The following AP3B2 variants were observed in gnomAD, a reference collection of about 807,000 sequenced individuals.
AP3B2 encodes adaptor related protein complex 3 subunit beta 2.
A neutral mutation model predicts 126.9 loss-of-function variants in AP3B2; 50 were observed. The observed-to-expected ratio is 0.39, with a 90% CI of 0.31 to 0.50. AP3B2 has a LOEUF of 0.50. Ranked by LOEUF, AP3B2 falls within the 20% of genes least tolerant of loss-of-function variation. The pLI is 0.79. For missense variants in AP3B2, 1,177 were observed against 1,426.4 expected (o/e 0.83, Z 2.82); for synonymous variants, 541 against 565.0 (o/e 0.96, Z 0.60).
intron 1 of AP3B2, 98 bp from the exon 2 acceptor site, chr15:82,689,551 G>A (rs2048488639): frequency 2.6e-6 from 3 of 1,165,902 alleles, no homozygotes; most frequent in Non-Finnish European, 1.2e-6. Context: ...GGCCAGGGGA[G>A]GCTCAGGCAG....
Position 82,661,930 on chromosome 15 carries a change from G to T in AP3B2, c.2919-8C>A. 6.2e-7 allele frequency: 1 copy of T among 1,611,932 alleles called. No homozygotes were observed. The highest frequency in any genetic ancestry group is 1.1e-5 in the South Asian group (1 of 90,880). On this transcript the variant is annotated splice_region_variant and splice_polypyrimidine_tract_variant and intron_variant, in intron 24 of 26. Coordinates refer to ENST00000535359, the MANE Select transcript of AP3B2 (RefSeq NM_001278512.2). ...AACTGTCGGGTCTGGGTGCTGGGAG[G>T]GGTGGGAGGAAACGGAGAAGAATTA...
At chr15:82,703,404 C>A (rs2048750950) in intron 1 of AP3B2, among the ~76,000 whole-genome samples, 1 of 126,764 alleles carries the variant, frequency 7.9e-6, no homozygotes, top group African/African-American at 2.8e-5. Flanking sequence ...CACCCCTTCT[C>A]TCCGTGTCTC....
chr15:82,667,407 C>T (rs2048078166), intron 14 of AP3B2, among the ~76,000 whole-genome samples: 3 of 152,248 alleles, frequency 2.0e-5, no homozygotes, highest in East Asian at 1.9e-4. Context: ...GGGCCACCCT[C>T]ATGCCCTATC....
Position 82,666,852 on chromosome 15 carries a change from G to A in AP3B2, c.1747C>T (p.Arg583Trp), listed in dbSNP as rs761472269. Reference sequence around the variant, plus strand: ...TGCTCGGAAGGGACGATGAGCTGCCGGGTGAAGCGCGCCCGGTCGCGAATA... The same window carrying A: ...TGCTCGGAAGGGACGATGAGCTGCCAGGTGAAGCGCGCCCGGTCGCGAATA... ...YDIRDRARFT[R>W]QLIVPSEQGG... Residue 583 changes from arginine to tryptophan, a missense_variant, in exon 15 of 27, where the codon CGG (arginine) becomes TGG (tryptophan). Transcript: ENST00000535359. 3.1e-6 allele frequency: 5 copies of A among 1,614,004 alleles called. No individual in the cohort carries two copies. Among genetic ancestry groups the A allele is most frequent in the South Asian group, 1.1e-5 (1 of 91,084 alleles).
chr15:82,664,430 G>T lies in AP3B2; in HGVS notation c.2198C>A (p.Ser733Tyr). Residue 733 changes from serine to tyrosine, a missense_variant, in exon 19 of 27, where the codon TCC becomes TAC. Around this residue, in one of 5 missense-constraint regions of AP3B2, gnomAD observed 587 missense variants for 571.3 expected, o/e 1.03. Transcript: ENST00000535359. This position sits in a 1 kb window ranked among gnomAD's most constrained non-coding sequence, Gnocchi z 4.5. ...GTCTTCATTGTCGGACTCACTGCTG[G>T]ACTCCCCAGAGCCGCTCTCACTGCT... ...KSSSESGSGESSSESDNEDQD... is the reference protein window; with the variant it reads ...KSSSESGSGEYSSESDNEDQD... 6.2e-7 allele frequency: 1 copy of T among 1,613,864 alleles called. No individual in the cohort carries two copies. Among genetic ancestry groups the T allele is most frequent in the Non-Finnish European group, 8.5e-7 (1 of 1,179,850 alleles).
rs2047981256 is a variant in AP3B2, at chr15:82,663,003, G to A, written c.2605-81C>T. ...CAGCATTGTCCCCTAGGGCCATCCA[G>A]CAGCTGGGACTCAAAGCTATCACAT... On this transcript the variant is annotated intron_variant, in intron 22 of 26. Coordinates refer to ENST00000535359, the MANE Select transcript of AP3B2 (RefSeq NM_001278512.2). 33 of 1,523,022 alleles carry A rather than the reference G, an allele frequency of 2.2e-5. No individual in the cohort carries two copies. The South Asian group carries it at 3.7e-4, about 17-fold the overall frequency. 94.3% of individuals were successfully genotyped at this position (1,523,022 alleles called of 1,614,324 possible). A position where few individuals can be genotyped will look rare whatever the true frequency, so the allele number is the denominator to read the frequency against.
chr15:82,689,358 C>G lies in AP3B2; in HGVS notation c.189+20G>C. ...CACCCAGGCCCCGCCCGGAGGGAGG[C>G]CTCCTCCTTCCCCTCTTACCGCCAC... is the stretch of plus-strand genomic sequence containing the variant. On this transcript the variant is annotated intron_variant, in intron 2 of 26. Coordinates refer to ENST00000535359, the MANE Select transcript of AP3B2 (RefSeq NM_001278512.2). The G allele has an allele frequency of 6.2e-7, 1 of 1,613,386 alleles. No homozygotes were observed. The highest frequency in any genetic ancestry group is 8.5e-7 in the Non-Finnish European group (1 of 1,179,556).
At chr15:82,668,163 T>C (rs543243948) in intron 14 of AP3B2, among the ~76,000 whole-genome samples, 1 of 152,312 alleles carries the variant, frequency 6.6e-6, no homozygotes, top group African/African-American at 2.4e-5. Flanking sequence ...TTTGGCAGAA[T>C]TGCCCCACAC....
At position 82,663,107 on chromosome 15, in the gene AP3B2, C is replaced by G. The variant is rs746967720; in HGVS notation, c.2604+20G>C. On this transcript the variant is annotated intron_variant, in intron 22 of 26. Transcript: ENST00000535359. ...GATGTGTCCCTGCCCCAGCCCGGTCCCCTCCTCCATCCCACTCACCGACGG... is the reference window on the plus strand; with the variant it reads ...GATGTGTCCCTGCCCCAGCCCGGTCGCCTCCTCCATCCCACTCACCGACGG... The G allele has an allele frequency of 3.8e-6, 6 of 1,593,526 alleles. No individual in the cohort carries two copies. In the Admixed American group the frequency reaches 8.6e-5, roughly 23 times the overall value.
intron 10 of AP3B2, 70 bp from the exon 11 acceptor site, chr15:82,678,237 A>AT: frequency 7.1e-7 from 1 of 1,404,980 alleles, no homozygotes; most frequent in Non-Finnish European, 1.0e-6. Flanking sequence ...TTCATTCCAA[A>AT]TACACTTCAT....
At chr15:82,676,685 G>A in intron 13 of AP3B2, 48 bp from the exon 14 acceptor site, 1 of 1,594,782 alleles carries the variant, frequency 6.3e-7, no homozygotes, top group Non-Finnish European at 8.6e-7. Context: ...GGGAAAGTGG[G>A]TGGGTAGGAT....
rs200226421 is a variant in AP3B2 at position 82,709,614 on chromosome 15, G to A, written c.93C>T (p.Ile31=). ...CTCACCGCTTGTAGTCGGAGGAGAAGATGCCGCCGCTCGCGGGGTCGTGGC... is the reference window on the plus strand; with the variant it reads ...CTCACCGCTTGTAGTCGGAGGAGAAAATGCCGCCGCTCGCGGGGTCGTGGC... ...EYGHDPASGG[I]FSSDYKRHDD... Residue 31 remains isoleucine, a synonymous_variant, in exon 1 of 27, where the codon ATC becomes ATT. Transcript: ENST00000535359. The A allele has an allele frequency of 0.013, 19,986 of 1,513,306 alleles. 201 individuals are homozygous for A. The highest frequency in any genetic ancestry group is 0.015 in the Non-Finnish European group (17,127 of 1,132,462). 93.7% of individuals were successfully genotyped at this position (1,513,306 alleles called of 1,614,324 possible). A position where few individuals can be genotyped will look rare whatever the true frequency, so the allele number is the denominator to read the frequency against.
At chr15:82,666,669 C>T (rs117547358) in intron 15 of AP3B2, 78 bp downstream of exon 15, 36,550 of 1,495,246 alleles carry the variant, frequency 0.024, 490 homozygotes, top group Non-Finnish European at 0.028. Context: ...CTAGGGGCCT[C>T]AGGAAGGTCT....
At chr15:82,697,945 A>C (rs2048655415) in intron 1 of AP3B2, 1 of 152,484 alleles carries the variant, frequency 6.6e-6, no homozygotes, top group African/African-American at 2.4e-5. Flanking sequence ...GGTACAGACC[A>C]TTGAGCTGGG....
chr15:82,692,071 G>A, intron 1 of AP3B2: 3 of 1,491,996 alleles, frequency 2.0e-6, no homozygotes, highest in Non-Finnish European at 2.8e-6. Flanking sequence ...TCTTCTTGCA[G>A]AAGGCCCATT....
In AP3B2 at chr15:82,664,608, C is replaced by T. The variant is rs568933633; in HGVS notation, c.2138-118G>A. 20 of 1,356,858 alleles carry T rather than the reference C, an allele frequency of 1.5e-5. 1 individual carries two copies. The highest frequency in any genetic ancestry group is 1.2e-4 in the African/African-American group (8 of 69,330). 84.1% of individuals were successfully genotyped at this position (1,356,858 alleles called of 1,614,324 possible). A position where few individuals can be genotyped will look rare whatever the true frequency, so the allele number is the denominator to read the frequency against. On this transcript the variant is annotated intron_variant, in intron 18 of 26. Coordinates refer to ENST00000535359, the MANE Select transcript of AP3B2 (RefSeq NM_001278512.2). This position sits in a 1 kb window ranked among gnomAD's most constrained non-coding sequence, Gnocchi z 4.5. ...GAACCCTCAAACCTCTCTGACCTGC[C>T]CCCAGCCCTACATGCCAGCTGGAAC...
rs2048854541 is a variant in AP3B2, at chr15:82,709,764, G to T, written c.-58C>A. 1 of 1,366,208 alleles carries T rather than the reference G, an allele frequency of 7.3e-7. No homozygotes were observed. Among genetic ancestry groups the T allele is most frequent in the Middle Eastern group, 2.6e-4 (1 of 3,820 alleles). 84.6% of individuals were successfully genotyped at this position (1,366,208 alleles called of 1,614,324 possible). ...GTTGCGGGGCCGGAGGCCGGCTGGAGCGGAGGAAGGGAAGGCGGGCCGGTC... is the reference window on the plus strand; with the variant it reads ...GTTGCGGGGCCGGAGGCCGGCTGGATCGGAGGAAGGGAAGGCGGGCCGGTC... On this transcript the variant is annotated 5_prime_UTR_variant, in exon 1 of 27. Coordinates refer to ENST00000535359, the MANE Select transcript of AP3B2 (RefSeq NM_001278512.2).
chr15:82,709,820 C>T lies in AP3B2; in HGVS notation c.-114G>A. ...CGGGCTGGCGAAGGCGGCGGCGCGGCAGGGGTTCAGCAGAGGCTGCAGTGT... is the reference window on the plus strand; with the variant it reads ...CGGGCTGGCGAAGGCGGCGGCGCGGTAGGGGTTCAGCAGAGGCTGCAGTGT... On this transcript the variant is annotated 5_prime_UTR_variant, in exon 1 of 27. Coordinates refer to ENST00000535359, the MANE Select transcript of AP3B2 (RefSeq NM_001278512.2). The T allele has an allele frequency of 1.3e-6, 1 of 794,090 alleles. No homozygotes were observed. 49.2% of individuals were successfully genotyped at this position (794,090 alleles called of 1,614,324 possible).
At chr15:82,698,757 C>T (rs2048668960) in intron 1 of AP3B2, among the ~76,000 whole-genome samples, 2 of 152,016 alleles carry the variant, frequency 1.3e-5, no homozygotes, top group Admixed American at 1.3e-4. Flanking sequence ...CCCTTCCTCA[C>T]CACACCCACA....
Sources: allele counts gnomAD v4.1 joint callset (sites outside exome capture counted in the v4.1 genomes callset), GRCh38; gene constraint gnomAD v4.1.1; regional missense constraint gnomAD v4.1.1; non-coding constraint Gnocchi (gnomAD v3.1); transcripts MANE v1.5; gene names NCBI Gene and HGNC (gene_info 2026-07-23, HGNC 2026-07-21).